The following PCDH15 variants were observed in gnomAD, a reference collection of about 807,000 sequenced individuals.
PCDH15 encodes protocadherin-15.
Under a neutral mutation model 178.5 loss-of-function variants are expected in PCDH15, and 129 were observed. The observed-to-expected ratio is 0.72, with a 90% CI of 0.63 to 0.84. The LOEUF (loss-of-function observed/expected upper bound fraction) is 0.84, where lower values mean the gene tolerates loss of function less well. Ranked by LOEUF, PCDH15 falls within the 40% of genes least tolerant of loss-of-function variation. The pLI, the probability that PCDH15 is intolerant of heterozygous loss-of-function variation, is 0.00. For missense variants in PCDH15, 2,230 were observed against 2,099.9 expected (o/e 1.06, Z -1.21); for synonymous variants, 800 against 732.0 (o/e 1.09, Z -1.50).
At chr10:54,006,584 C>A (rs961586144) in intron 20 of PCDH15, among the ~76,000 whole-genome samples, 1 of 152,162 alleles carries the variant, frequency 6.6e-6, no homozygotes, top group Non-Finnish European at 1.5e-5. Flanking sequence ...AAAAGCAGGA[C>A]CCTATCAACA....
intron 2 of PCDH15, among the ~76,000 whole-genome samples, chr10:55,078,764 T>A (rs530243275): frequency 4.6e-5 from 7 of 152,160 alleles, no homozygotes; most frequent in African/African-American, 1.7e-4. Context: ...TAGTCTTTTA[T>A]CCCTCACCCC....
chr10:54,517,891 C>G (rs2082396433), intron 3 of PCDH15, among the ~76,000 whole-genome samples: 1 of 152,130 alleles, frequency 6.6e-6, no homozygotes, highest in African/African-American at 2.4e-5. Flanking sequence ...CAAACTAGAA[C>G]TCAAGATTAA....
intron 8 of PCDH15, among the ~76,000 whole-genome samples, chr10:54,238,843 A>C (rs7067616): frequency 0.055 from 8,294 of 152,114 alleles, 557 homozygotes; most frequent in African/African-American, 0.17. Flanking sequence ...TCTTTCTAGT[A>C]ATTTCACTGA....
intron 14 of PCDH15, among the ~76,000 whole-genome samples, chr10:54,145,331 C>T (rs1487962358): frequency 1.3e-5 from 2 of 151,770 alleles, no homozygotes; most frequent in Admixed American, 1.3e-4. Flanking sequence ...ATTTGTAATT[C>T]TGCATTTCTA....
chr10:53,973,346 C>CGAGTAATGTAAATGAT (rs2089917943), intron 21 of PCDH15, among the ~76,000 whole-genome samples: 1 of 151,416 alleles, frequency 6.6e-6, no homozygotes, highest in Non-Finnish European at 1.5e-5. Context: ...ATGTAAATCT[C>CGAGTAATGTAAATGAT]GAGTTAATGG....
chr10:55,469,608 T>C (rs1242774891), intron 2 of PCDH15, among the ~76,000 whole-genome samples: 2 of 152,020 alleles, frequency 1.3e-5, no homozygotes, highest in African/African-American at 4.8e-5. Flanking sequence ...TTAACTTGTG[T>C]TCTATTTTTC....
At chr10:54,419,243 T>TACACACACAC (rs146831797) in intron 3 of PCDH15, among the ~76,000 whole-genome samples, 6,960 of 150,594 alleles carry the variant, frequency 0.046, 531 homozygotes, top group African/African-American at 0.16. Flanking sequence ...CATATATACA[T>TACACACACAC]ACACACACAC....
At chr10:54,550,009 C>T (rs921520350) in intron 2 of PCDH15, among the ~76,000 whole-genome samples, 3 of 152,142 alleles carry the variant, frequency 2.0e-5, no homozygotes, top group Admixed American at 2.0e-4. Context: ...CCTATAGACT[C>T]TTTAAAACTC....
rs79241257 is a variant in PCDH15 at position 53,988,989 on chromosome 10, T to C, written c.2868+6660A>G. Among the ~76,000 whole-genome samples the C allele has an allele frequency of 5.3e-5, 8 of 152,188 alleles. No individual in the cohort carries two copies. In the East Asian group the frequency reaches 1.4e-3, roughly 26 times the overall value. The stretch of plus-strand genomic sequence containing the variant: ...GCACTGTCACAAGGTCAAACATCTA[T>C]GGGAAAAAAATGTGATGTGCAAAAA... On this transcript the variant is annotated intron_variant, in intron 21 of 37. Transcript: ENST00000644397.
intron 26 of PCDH15, among the ~76,000 whole-genome samples, chr10:53,882,582 C>T (rs1004392521): frequency 2.0e-5 from 3 of 152,192 alleles, no homozygotes; most frequent in East Asian, 1.9e-4. Flanking sequence ...AGTCTGGTCT[C>T]GAACTCCTGA....
intron 32 of PCDH15, chr10:53,825,116 G>T: frequency 2.6e-6 from 4 of 1,536,054 alleles, no homozygotes; most frequent in Non-Finnish European, 3.5e-6. Flanking sequence ...TCTTCTATTA[G>T]AGTGATATTA....
intron 2 of PCDH15, among the ~76,000 whole-genome samples, chr10:54,622,700 T>A (rs1370394490): frequency 7.9e-5 from 2 of 25,234 alleles, no homozygotes; most frequent in African/African-American, 3.2e-4. Context: ...AATATATATT[T>A]TCTATATATT....
At chr10:55,469,830 C>T (rs1023223343) in intron 2 of PCDH15, among the ~76,000 whole-genome samples, 67 of 151,930 alleles carry the variant, frequency 4.4e-4, no homozygotes, top group Admixed American at 1.7e-3. Context: ...ATGTTACTTA[C>T]GGTTTTTAGT....
chr10:54,000,606 G>A (rs2092085817), intron 20 of PCDH15, among the ~76,000 whole-genome samples: 1 of 151,100 alleles, frequency 6.6e-6, no homozygotes, highest in South Asian at 2.1e-4. Context: ...TAGTGAGCTT[G>A]AAGACAGCCC....
intron 2 of PCDH15, among the ~76,000 whole-genome samples, chr10:55,339,316 A>AC (rs111513122): frequency 2.6e-5 from 4 of 151,906 alleles, no homozygotes; most frequent in Admixed American, 6.6e-5. Context: ...AACAACAACA[A>AC]AGAATTTACT....
At chr10:54,739,341 C>T (rs937359388) in intron 1 of PCDH15, among the ~76,000 whole-genome samples, 2 of 151,366 alleles carry the variant, frequency 1.3e-5, no homozygotes, top group African/African-American at 4.9e-5. Flanking sequence ...AACAAACAAA[C>T]AAAAACCCGG....
At chr10:54,863,664 T>A (rs2131784160) in intron 3 of PCDH15, among the ~76,000 whole-genome samples, 1 of 152,316 alleles carries the variant, frequency 6.6e-6, no homozygotes, top group Admixed American at 6.5e-5. Context: ...TTAGAAATGA[T>A]CCAAGTGTTG....
At chr10:54,034,537 C>T (rs1439076723) in intron 18 of PCDH15, among the ~76,000 whole-genome samples, 1 of 151,904 alleles carries the variant, frequency 6.6e-6, no homozygotes, top group Admixed American at 6.6e-5. Context: ...TTTCTAATGT[C>T]TTGTCCAACA....
chr10:55,154,464 C>T (rs904065700), intron 2 of PCDH15, among the ~76,000 whole-genome samples: 1 of 152,042 alleles, frequency 6.6e-6, no homozygotes, highest in Admixed American at 6.6e-5. Context: ...GCTCACACTA[C>T]AAAAATAGAC....
Sources: allele counts gnomAD v4.1 joint callset (sites outside exome capture counted in the v4.1 genomes callset), GRCh38; gene constraint gnomAD v4.1.1; transcripts MANE v1.5; gene names NCBI Gene and HGNC (gene_info 2026-07-23, HGNC 2026-07-21).